PDIA3: variants seen among roughly 807,000 people sequenced by gnomAD.
The protein encoded by PDIA3 is protein disulfide isomerase family A member 3.
PDIA3 carries 16 observed loss-of-function variants against 56.9 expected under a neutral mutation model. The observed-to-expected ratio is 0.28, with a 90% CI of 0.19 to 0.43. The LOEUF (loss-of-function observed/expected upper bound fraction) is 0.43. Among genes scored for constraint, PDIA3 ranks in the 20% least tolerant of loss-of-function variants. PDIA3 has a pLI of 1.00. For missense variants in PDIA3, 485 were observed against 621.3 expected, an observed-to-expected ratio of 0.78 and a Z score of 2.33; for synonymous variants, 192 against 216.5, an observed-to-expected ratio of 0.89 and a Z score of 0.99.
intron 1 of PDIA3, among the ~76,000 whole-genome samples, chr15:43,750,293 G>T (rs2086735492): frequency 6.6e-6 from 1 of 150,500 alleles, no homozygotes; most frequent in African/African-American, 2.4e-5. Context: ...TGGGATTTCA[G>T]GCGTGAGCCA....
intron 3 of PDIA3, among the ~76,000 whole-genome samples, chr15:43,760,705 G>A (rs532957380): frequency 6.6e-6 from 1 of 150,894 alleles, no homozygotes; most frequent in South Asian, 2.1e-4. Context: ...AATTTTTTTG[G>A]TATTTTTAGT....
chr15:43,754,521 G>C (rs2086764975), intron 2 of PDIA3, among the ~76,000 whole-genome samples: 1 of 151,860 alleles, frequency 6.6e-6, no homozygotes, highest in Non-Finnish European at 1.5e-5. Flanking sequence ...CTTGAGGCCA[G>C]GAGTTTGTTG....
chr15:43,765,934 A>G lies in PDIA3; in HGVS notation c.767A>G (p.Gln256Arg), dbSNP rs766364850. 1 of 1,613,184 alleles carries G rather than the reference A, an allele frequency of 6.2e-7. No individual in the cohort carries two copies. Among genetic ancestry groups the G allele is most frequent in the African/African-American group, 1.3e-5 (1 of 75,038 alleles). ...ACAGAAGACAATAAAGATTTGATACAGGGCAAGGACTTACTTATTGCTTAC... is the reference window on the plus strand; with the variant it reads ...ACAGAAGACAATAAAGATTTGATACGGGGCAAGGACTTACTTATTGCTTAC... ...HMTEDNKDLI[Q>R]GKDLLIAYYD... Residue 256 changes from glutamine to arginine, a missense_variant, in exon 7 of 13, where the codon CAG becomes CGG. Coordinates refer to ENST00000300289, the MANE Select transcript of PDIA3 (RefSeq NM_005313.5).
chr15:43,758,913 GT>G (rs1226185374), intron 3 of PDIA3, among the ~76,000 whole-genome samples: 1 of 151,680 alleles, frequency 6.6e-6, no homozygotes, highest in East Asian at 1.9e-4. Flanking sequence ...GAAGGTGGAG[GT>G]TGCAGCGAGC....
chr15:43,749,886 G>A (rs562280781), intron 1 of PDIA3, among the ~76,000 whole-genome samples: 1 of 152,224 alleles, frequency 6.6e-6, no homozygotes, highest in South Asian at 2.1e-4. Context: ...GGTGGAGGTT[G>A]CAGGAAGCTG....
intron 1 of PDIA3, among the ~76,000 whole-genome samples, chr15:43,750,171 A>ATTTT (rs781370240): frequency 8.5e-6 from 1 of 117,402 alleles, no homozygotes; most frequent in Non-Finnish European, 1.8e-5. Context: ...TGTCTGGCTA[A>ATTTT]TTTTTTTTTT....
rs1206532199 is a variant in PDIA3, at chr15:43,768,535, G to A, written c.1075G>A (p.Gly359Ser). The A allele has an allele frequency of 6.2e-7, 1 of 1,614,034 alleles. No individual in the cohort carries two copies. The highest frequency in any genetic ancestry group is 1.1e-5 in the South Asian group (1 of 91,074). ...GAGGTTCCTGCAGGATTACTTTGAT[G>A]GCAATCTGAAGAGATACCTGAAGTC... ...LERFLQDYFD[G>S]NLKRYLKSEP... is the part of the protein sequence containing the mutation. The change falls in exon 9 of 13, where the codon GGC becomes AGC. Residue 359 changes from glycine to serine, a missense_variant. Coordinates refer to ENST00000300289, the MANE Select transcript of PDIA3 (RefSeq NM_005313.5).
At chr15:43,751,702 C>T in intron 1 of PDIA3, 2 of 1,303,010 alleles carry the variant, frequency 1.5e-6, no homozygotes, top group Non-Finnish European at 1.0e-6. Flanking sequence ...TTAGTCCCAG[C>T]CTTGCAGCTT....
chr15:43,768,365 A>T, intron 8 of PDIA3, 124 bp from the exon 9 acceptor site: 1 of 631,294 alleles, frequency 1.6e-6, no homozygotes, highest in Admixed American at 2.6e-5. Flanking sequence ...ATATTGAGAG[A>T]TGAGAGTCCC....
rs2086711441 is a variant in PDIA3, at chr15:43,747,018, T to C, written c.167+312T>C. 10 of 408,158 alleles carry C rather than the reference T, an allele frequency of 2.5e-5. 1 individual carries two copies. In the South Asian group the frequency reaches 3.0e-4, roughly 12 times the overall value. 25.3% of individuals were successfully genotyped at this position (408,158 alleles called of 1,614,324 possible). A position where few individuals can be genotyped will look rare whatever the true frequency, so the allele number is the denominator to read the frequency against. On this transcript the variant is annotated intron_variant, in intron 1 of 12. Coordinates refer to ENST00000300289, the MANE Select transcript of PDIA3 (RefSeq NM_005313.5). ...CCCCAGTCCAATATGTAGCTATATC[T>C]TTTCTGCGTGAGTCAGTATTAATGC...
At chr15:43,767,360 GAAAT>G (rs1181881419) in intron 8 of PDIA3, among the ~76,000 whole-genome samples, 4 of 151,912 alleles carry the variant, frequency 2.6e-5, no homozygotes, top group South Asian at 4.2e-4. Flanking sequence ...CTCAAAAAAA[GAAAT>G]AAATAAAGAA....
chr15:43,748,811 C>T (rs139725987), intron 1 of PDIA3, among the ~76,000 whole-genome samples: 498 of 151,610 alleles, frequency 3.3e-3, no homozygotes, highest in African/African-American at 0.011. Flanking sequence ...CTTTGTTGCC[C>T]AGGCTAGAGT....
chr15:43,758,754 T>A (rs1390063975), intron 3 of PDIA3, among the ~76,000 whole-genome samples: 1 of 151,854 alleles, frequency 6.6e-6, no homozygotes, highest in Non-Finnish European at 1.5e-5. Flanking sequence ...GGTAGGCTGA[T>A]CACTTGAGGT....
intron 3 of PDIA3, among the ~76,000 whole-genome samples, chr15:43,757,791 G>A (rs2086788993): frequency 6.6e-6 from 1 of 151,732 alleles, no homozygotes; most frequent in South Asian, 2.1e-4. Context: ...GAACCCAGGA[G>A]GCGGAGGTTG....
In PDIA3 at chr15:43,761,420, TA is replaced by T; in HGVS notation, c.365-2del. 1 of 1,518,210 alleles carries T rather than the reference TA, an allele frequency of 6.6e-7. No homozygotes were observed. The highest frequency in any genetic ancestry group is 9.1e-7 in the Non-Finnish European group (1 of 1,102,266). The allele number at this position is 1,518,210 out of a possible 1,614,324, so 94.0% of individuals were successfully genotyped here. On this transcript the variant is annotated splice_polypyrimidine_tract_variant and splice_region_variant and intron_variant, in intron 3 of 12. Transcript: ENST00000300289. The stretch of plus-strand genomic sequence containing the variant: ...TTGTCATAACTTTTATTTTGACTTC[TA>T]AGATGGAATTGTCAGCCACTTGAAG...
rs2086705992 is a variant in PDIA3 at position 43,746,519 on chromosome 15, T to TCCCCA, written c.-13_-9dup. 1 of 1,570,982 alleles carries TCCCCA rather than the reference T, an allele frequency of 6.4e-7. No individual in the cohort carries two copies. The highest frequency in any genetic ancestry group is 8.6e-7 in the Non-Finnish European group (1 of 1,161,660). ...AGCCGAGCCGCGACCCTTCCGGCCG[T>TCCCCA]CCCCACCCCACCTCGCCGCCATGCG... is the stretch of plus-strand genomic sequence containing the variant. On this transcript the variant is annotated 5_prime_UTR_variant, in exon 1 of 13. Coordinates refer to ENST00000300289, the MANE Select transcript of PDIA3 (RefSeq NM_005313.5).
chr15:43,754,954 C>CA lies in PDIA3; in HGVS notation c.246+1065dup, dbSNP rs770741535. 3.1e-3 allele frequency among the ~76,000 whole-genome samples: 393 copies of CA among 128,690 alleles called. 2 individuals are homozygous for CA. The highest frequency in any genetic ancestry group is 7.8e-3 in the African/African-American group (272 of 34,716). 84.4% of individuals were successfully genotyped at this position (128,690 alleles called of 152,430 possible). The stretch of plus-strand genomic sequence containing the variant: ...TGGGCAATAGAGCGAAACCCTGTCT[C>CA]AAAAAAAAAAAAAGTAGTAAAGTAT... On this transcript the variant is annotated intron_variant, in intron 2 of 12. Coordinates refer to ENST00000300289, the MANE Select transcript of PDIA3 (RefSeq NM_005313.5).
At chr15:43,748,516 G>A (rs192008349) in intron 1 of PDIA3, among the ~76,000 whole-genome samples, 1 of 152,168 alleles carries the variant, frequency 6.6e-6, no homozygotes, top group African/African-American at 2.4e-5. Context: ...GAATTGAAGG[G>A]GGTGTTTCCT....
At chr15:43,768,695 C>CTT in intron 9 of PDIA3, 98 bp downstream of exon 9, 1 of 779,018 alleles carries the variant, frequency 1.3e-6, no homozygotes, top group Non-Finnish European at 2.1e-6. Context: ...CGTTGGCCAT[C>CTT]TCTTTTTTTT....
Sources: allele counts gnomAD v4.1 joint callset (sites outside exome capture counted in the v4.1 genomes callset), GRCh38; gene constraint gnomAD v4.1.1; transcripts MANE v1.5; gene names NCBI Gene and HGNC (gene_info 2026-07-23, HGNC 2026-07-21).